Variants in EPG5 observed in about 807,000 individuals in gnomAD.
EPG5 encodes the protein ectopic P-granules 5 autophagy tethering factor.
EPG5 carries 159 observed loss-of-function variants against 302.7 expected under a neutral mutation model. The ratio of observed to expected loss-of-function variants is 0.53; its 90% CI spans 0.46 to 0.60. The LOEUF is 0.60. Ranked by LOEUF, EPG5 falls within the 20% of genes least tolerant of loss-of-function variation. EPG5 has a pLI of 0.00. For missense variants in EPG5, 2,896 were observed against 3,092.4 expected (o/e 0.94, Z 1.51); for synonymous variants, 1,158 against 1,136.8 (o/e 1.02, Z -0.37).
rs1368163037 is a variant in EPG5 at position 45,848,077 on chromosome 18, T to C, written c.*4390A>G. On this transcript the variant is annotated 3_prime_UTR_variant, in exon 44 of 44. Coordinates refer to ENST00000282041, the MANE Select transcript of EPG5 (RefSeq NM_020964.3). ...AAATACAGCTACTCCTGGACACTGATGCCCGAGGCATGCTGTGGAAACCGG... is the reference window on the plus strand; with the variant it reads ...AAATACAGCTACTCCTGGACACTGACGCCCGAGGCATGCTGTGGAAACCGG... The C allele has an allele frequency of 1.3e-5, 2 of 152,184 alleles. No individual in the cohort carries two copies. Among genetic ancestry groups the C allele is most frequent in the Non-Finnish European group, 2.9e-5 (2 of 68,034 alleles). 9.4% of individuals were successfully genotyped at this position (152,184 alleles called of 1,614,324 possible). A position where few individuals can be genotyped will look rare whatever the true frequency, so the allele number is the denominator to read the frequency against.
chr18:45,908,612 C>T (rs563352172), intron 23 of EPG5, among the ~76,000 whole-genome samples: 6 of 152,246 alleles, frequency 3.9e-5, no homozygotes, highest in East Asian at 1.9e-4. Flanking sequence ...CATGTGTGTA[C>T]GCCCCTCTCA....
At chr18:45,898,595 T>C (rs1366019409) in intron 27 of EPG5, among the ~76,000 whole-genome samples, 1 of 152,164 alleles carries the variant, frequency 6.6e-6, no homozygotes, top group Non-Finnish European at 1.5e-5. Context: ...TGTCAGCAAG[T>C]TCCACCCAAC....
intron 38 of EPG5, among the ~76,000 whole-genome samples, chr18:45,866,125 T>TC (rs1390127636): frequency 2.7e-5 from 4 of 150,564 alleles, no homozygotes; most frequent in African/African-American, 9.7e-5. Flanking sequence ...ACTATTTCTT[T>TC]TTTTTTTTTT....
At chr18:45,857,402 C>T (rs1446595530) in intron 42 of EPG5, among the ~76,000 whole-genome samples, 1 of 152,154 alleles carries the variant, frequency 6.6e-6, no homozygotes, top group Admixed American at 6.5e-5. Context: ...TGAGCCACCG[C>T]GCCTGGCCAC....
At chr18:45,932,957 T>C (rs2050428679) in intron 11 of EPG5, among the ~76,000 whole-genome samples, 1 of 151,402 alleles carries the variant, frequency 6.6e-6, no homozygotes, top group Non-Finnish European at 1.5e-5. Flanking sequence ...ATCGGCTCCA[T>C]CTGCCACATG....
chr18:45,954,918 A>G lies in EPG5; in HGVS notation c.484T>C (p.Tyr162His), dbSNP rs371755239. 91 of 1,613,506 alleles carry G rather than the reference A, an allele frequency of 5.6e-5. No individual in the cohort carries two copies. Among genetic ancestry groups the G allele is most frequent in the Non-Finnish European group, 7.1e-5 (84 of 1,179,862 alleles). The change falls in exon 2 of 44, where the codon TAT (tyrosine) becomes CAT (histidine). Residue 162 changes from tyrosine to histidine, a missense_variant. Transcript: ENST00000282041. The part of the protein sequence containing the change: ...SESAPQSNFS[Y>H]TQPAMENIQV... ...ATATTTTCCATTGCTGGCTGAGTAT[A>G]AGAAAAATTAGATTGGGGTGCACTT...
At chr18:45,857,703 G>GTTT in intron 42 of EPG5, 150 bp downstream of exon 42, 1 of 548,132 alleles carries the variant, frequency 1.8e-6, no homozygotes, top group Non-Finnish European at 3.1e-6. Context: ...ATCAGGCTCT[G>GTTT]TTTTTTTTTT....
chr18:45,903,923 TTCAA>T (rs747125894), intron 25 of EPG5, 46 bp downstream of exon 25: 15 of 1,554,788 alleles, frequency 9.6e-6, no homozygotes, highest in Non-Finnish European at 1.2e-5. Flanking sequence ...ATGGCTCTGA[TTCAA>T]TCATTCATTC....
chr18:45,829,086 G>A, the EPG5 span: 4 of 985,856 alleles, frequency 4.1e-6, no homozygotes, highest in Non-Finnish European at 4.8e-6. Context: ...GGCACCAGCA[G>A]AGACAGGCTA....
In EPG5 at chr18:45,901,000, C is replaced by A; in HGVS notation, c.4642G>T (p.Ala1548Ser). 6.2e-7 allele frequency: 1 copy of A among 1,612,782 alleles called. No homozygotes were observed. The highest frequency in any genetic ancestry group is 8.5e-7 in the Non-Finnish European group (1 of 1,179,052). Residue 1548 changes from alanine to serine, a missense_variant, in exon 26 of 44, where the codon GCC becomes TCC. Transcript: ENST00000282041. ...CTDLNLLQQQARTAALRESQQ... is the reference protein window; with the variant it reads ...CTDLNLLQQQSRTAALRESQQ... ...CGTGAGGCTGCATGGTCTTACCTGGCCTGCTGTTGCAACAGATTCAGGTCT... is the reference window on the plus strand; with the variant it reads ...CGTGAGGCTGCATGGTCTTACCTGGACTGCTGTTGCAACAGATTCAGGTCT...
At chr18:45,856,137 GA>G (rs1451309625) in intron 42 of EPG5, among the ~76,000 whole-genome samples, 1 of 152,184 alleles carries the variant, frequency 6.6e-6, no homozygotes, top group Admixed American at 6.5e-5. Flanking sequence ...CCAAAAGGTT[GA>G]AACAATCCAA....
rs893259876 is a variant in EPG5, at chr18:45,914,452, A to T, written c.3694-624T>A. Among the ~76,000 whole-genome samples, 3 of 152,272 alleles carry T rather than the reference A, an allele frequency of 2.0e-5. No individual in the cohort carries two copies. In the East Asian group the frequency reaches 5.8e-4, roughly 29 times the overall value. On this transcript the variant is annotated intron_variant, in intron 20 of 43. Coordinates refer to ENST00000282041, the MANE Select transcript of EPG5 (RefSeq NM_020964.3). ...AACATTACTACTGATTTAAGAGATG[A>T]AACAGACATAATTTTATACACAAAG... is the stretch of plus-strand genomic sequence containing the variant.
At chr18:45,868,424 G>T (rs554057295) in intron 36 of EPG5, among the ~76,000 whole-genome samples, 68 of 149,218 alleles carry the variant, frequency 4.6e-4, no homozygotes, top group Admixed American at 9.4e-4. Context: ...CGCAACCTCC[G>T]CCTCCTGGCT....
intron 21 of EPG5, 109 bp from the exon 22 acceptor site, chr18:45,912,565 A>G (rs910071120): frequency 4.2e-5 from 47 of 1,107,654 alleles, no homozygotes; most frequent in Non-Finnish European, 5.9e-5. Context: ...TTTCAATTCA[A>G]TAATATATTT....
rs921463655 is a variant in EPG5 at position 45,855,620 on chromosome 18, G to C, written c.7510C>G (p.Arg2504Gly). The change falls in exon 43 of 44, where the codon CGT becomes GGT. Residue 2504 changes from arginine to glycine, a missense_variant. Physicochemically the swap from Arg to Gly is moderately radical, Grantham distance 125. Around this residue, in one of 5 missense-constraint regions of EPG5, gnomAD observed 620 missense variants for 704.2 expected, o/e 0.88. Coordinates refer to ENST00000282041, the MANE Select transcript of EPG5 (RefSeq NM_020964.3). The part of the protein sequence containing the change: ...SVQVPMEDQI[R>G]LRPGSELHLT... ...TGTAATTCAGAGCCAGGCCTCAAACGGATCTGATCTTCCATAGGAACCTGA... is the reference window on the plus strand; with the variant it reads ...TGTAATTCAGAGCCAGGCCTCAAACCGATCTGATCTTCCATAGGAACCTGA... 2 of 1,614,034 alleles carry C rather than the reference G, an allele frequency of 1.2e-6. No homozygotes were observed. The highest frequency in any genetic ancestry group is 1.7e-6 in the Non-Finnish European group (2 of 1,180,048).
intron 29 of EPG5, among the ~76,000 whole-genome samples, chr18:45,885,856 A>G (rs893056569): frequency 2.6e-5 from 4 of 152,216 alleles, no homozygotes; most frequent in African/African-American, 4.8e-5. Flanking sequence ...GAAAACAAGA[A>G]TCTCCAACAG....
chr18:45,935,014 C>A, intron 10 of EPG5, 48 bp from the exon 11 acceptor site: 1 of 1,535,412 alleles, frequency 6.5e-7, no homozygotes, highest in South Asian at 1.2e-5. Context: ...CTTCATTACA[C>A]TAAGAAAGTA....
At chr18:45,893,065 G>A (rs960278814) in intron 27 of EPG5, among the ~76,000 whole-genome samples, 1 of 152,170 alleles carries the variant, frequency 6.6e-6, no homozygotes, top group Non-Finnish European at 1.5e-5. Context: ...AGCTTGCTCA[G>A]AATCACACTG....
chr18:45,886,310 C>T (rs2049216274), intron 29 of EPG5, among the ~76,000 whole-genome samples: 1 of 152,198 alleles, frequency 6.6e-6, no homozygotes. Context: ...CCATCAAACA[C>T]TAGCTCAACA....
Sources: allele counts gnomAD v4.1 joint callset (sites outside exome capture counted in the v4.1 genomes callset), GRCh38; gene constraint gnomAD v4.1.1; regional missense constraint gnomAD v4.1.1; transcripts MANE v1.5; gene names NCBI Gene and HGNC (gene_info 2026-07-23, HGNC 2026-07-21).